BPIFA2: variants seen among roughly 807,000 people sequenced by gnomAD.
BPIFA2 encodes the protein BPI fold containing family A member 2.
BPIFA2 carries 20 observed loss-of-function variants against 25.7 expected under a neutral mutation model. The ratio of observed to expected loss-of-function variants is 0.78; its 90% CI spans 0.55 to 1.13. The LOEUF (loss-of-function observed/expected upper bound fraction) is 1.13. BPIFA2 is among the 50% of genes most tolerant of loss of function. The probability of loss-of-function intolerance (pLI) is 0.00; values close to 1 mark genes in which losing one functional copy is unlikely to be tolerated. For missense variants in BPIFA2, 300 were observed against 298.1 expected (o/e 1.01, Z -0.05); for synonymous variants, 126 against 124.3 (o/e 1.01, Z -0.09).
chr20:33,173,972 G>A (rs899355102), intron 3 of BPIFA2, 107 bp from the exon 4 acceptor site: 14 of 837,082 alleles, frequency 1.7e-5, no homozygotes, highest in Admixed American at 1.5e-4. Context: ...GACTAAAGAA[G>A]GCAAGGCTGA....
rs1299454700 is a variant in BPIFA2, at chr20:33,169,209, C to A, written c.64C>A (p.Leu22Ile). Reference protein sequence around the residue: ...GVLTGTSESLLDNLGNDLSNV... With the variant: ...GVLTGTSESLIDNLGNDLSNV... ...GCTCACTGGGACCTCAGAGTCTCTT[C>A]TTGACAATCTTGGCAATGACCTAAG... The change falls in exon 2 of 9, where the codon CTT (leucine) becomes ATT (isoleucine). Residue 22 changes from leucine (L) to isoleucine (I), a missense_variant. Physicochemically the swap from Leu to Ile is conservative, Grantham distance 5. Coordinates refer to ENST00000354932, the MANE Select transcript of BPIFA2 (RefSeq NM_080574.4). 2.5e-6 allele frequency: 4 copies of A among 1,613,962 alleles called. No homozygotes were observed. The African/African-American group carries it at 5.3e-5, about 22-fold the overall frequency.
At chr20:33,170,764 A>G (rs1983872579) in intron 2 of BPIFA2, among the ~76,000 whole-genome samples, 1 of 152,096 alleles carries the variant, frequency 6.6e-6, no homozygotes, top group Admixed American at 6.5e-5. Context: ...CTCCTCCTAT[A>G]AGAATTATTG....
chr20:33,162,823 A>G (rs1983619285), intron 1 of BPIFA2, among the ~76,000 whole-genome samples: 2 of 152,098 alleles, frequency 1.3e-5, no homozygotes, highest in Admixed American at 1.3e-4. Context: ...CTTCTACATG[A>G]TCTGTCTCCA....
At chr20:33,174,265 C>A in intron 4 of BPIFA2, 79 bp downstream of exon 4, 1 of 1,250,376 alleles carries the variant, frequency 8.0e-7, no homozygotes, top group Non-Finnish European at 1.2e-6. Context: ...GAATCGGGCA[C>A]CTCCTCCCGC....
upstream of BPIFA2, among the ~76,000 whole-genome samples, chr20:33,164,822 C>T (rs1354029378): frequency 2.6e-5 from 4 of 152,166 alleles, no homozygotes; most frequent in Admixed American, 6.5e-5. Flanking sequence ...AGGGGAGGAC[C>T]CTGACCCGGT....
At chr20:33,173,199 T>C in intron 3 of BPIFA2, 123 bp downstream of exon 3, 1 of 1,257,532 alleles carries the variant, frequency 8.0e-7, no homozygotes, top group Non-Finnish European at 1.1e-6. Context: ...AGAGCCAAGG[T>C]GGTCTGAGCA....
intron 2 of BPIFA2, among the ~76,000 whole-genome samples, chr20:33,172,038 C>A (rs1221155820): frequency 1.3e-5 from 2 of 152,130 alleles, no homozygotes; most frequent in African/African-American, 4.8e-5. Flanking sequence ...TACATATACA[C>A]CATGGAATAC....
chr20:33,173,403 C>A (rs971677793), intron 3 of BPIFA2, among the ~76,000 whole-genome samples: 1 of 152,242 alleles, frequency 6.6e-6, no homozygotes, highest in African/African-American at 2.4e-5. Flanking sequence ...CCATATATAA[C>A]TGGGGGTAAA....
upstream of BPIFA2, among the ~76,000 whole-genome samples, chr20:33,167,728 A>T (rs953725522): frequency 1.3e-5 from 2 of 152,070 alleles, no homozygotes; most frequent in Admixed American, 1.3e-4. Flanking sequence ...TTCTAGACCC[A>T]TCTCGGTCCC....
chr20:33,164,857 G>C (rs182428657), upstream of BPIFA2, among the ~76,000 whole-genome samples: 434 of 152,338 alleles, frequency 2.8e-3, 1 homozygote, highest in Non-Finnish European at 4.3e-3. Flanking sequence ...ATTTTCTCTG[G>C]GAGTGTTGGA....
At chr20:33,166,530 G>A (rs535170939), upstream of BPIFA2, among the ~76,000 whole-genome samples, 7 of 152,288 alleles carry the variant, frequency 4.6e-5, no homozygotes, top group East Asian at 1.4e-3. Flanking sequence ...CCCTTGAGGT[G>A]AGCACTGTTC....
chr20:33,178,372 A>G (rs1055954720), intron 6 of BPIFA2, 144 bp downstream of exon 6: 4 of 606,300 alleles, frequency 6.6e-6, no homozygotes, highest in Admixed American at 3.4e-5. Flanking sequence ...TTCCTCCTCT[A>G]CTAATCAGCC....
intron 7 of BPIFA2, among the ~76,000 whole-genome samples, chr20:33,180,131 T>C (rs1289557065): frequency 6.6e-6 from 1 of 151,698 alleles, no homozygotes; most frequent in African/African-American, 2.4e-5. Context: ...GGCGGGAGGA[T>C]TGCTTGAGCC....
intron 5 of BPIFA2, among the ~76,000 whole-genome samples, chr20:33,177,301 G>C (rs1385132504): frequency 6.6e-6 from 1 of 151,730 alleles, no homozygotes; most frequent in Non-Finnish European, 1.5e-5. Context: ...GTTGCAGTGA[G>C]CCGAGATCGT....
chr20:33,178,279 G>A, intron 6 of BPIFA2, 51 bp downstream of exon 6: 1 of 1,414,144 alleles, frequency 7.1e-7, no homozygotes, highest in East Asian at 2.3e-5. Flanking sequence ...GGGGGCAGGT[G>A]GGGGAATTTG....
Position 33,175,444 on chromosome 20 carries a change from T to C in BPIFA2, c.448T>C (p.Leu150=), listed in dbSNP as rs779324484. Residue 150 remains leucine (L), a synonymous_variant, in exon 5 of 9, where the codon TTG becomes CTG. Transcript: ENST00000354932. The part of the protein sequence containing the change: ...IGQIINLKAS[L]DLLTAVTIET... Reference sequence around the variant, plus strand: ...CCAGATTATCAACCTGAAAGCCTCCTTGGACCTCCTGACCGCAGTCACAAT... The same window carrying C: ...CCAGATTATCAACCTGAAAGCCTCCCTGGACCTCCTGACCGCAGTCACAAT... 12 of 1,613,938 alleles carry C rather than the reference T, an allele frequency of 7.4e-6. No homozygotes were observed. Among genetic ancestry groups the C allele is most frequent in the Non-Finnish European group, 3.4e-6 (4 of 1,179,932 alleles).
chr20:33,175,501 G>A lies in BPIFA2; in HGVS notation c.505G>A (p.Ala169Thr), dbSNP rs762535404. Residue 169 changes from alanine to threonine, a missense_variant, in exon 5 of 9, where the codon GCC becomes ACC. Ala to Thr is a moderately conservative substitution (Grantham distance 58, BLOSUM62 0). Transcript: ENST00000354932. Reference sequence around the variant, plus strand: ...TGATCCCCAGACACACCAGCCTGTTGCCGTCCTGGGAGAATGCGCCAGTGA... The same window carrying A: ...TGATCCCCAGACACACCAGCCTGTTACCGTCCTGGGAGAATGCGCCAGTGA... The part of the protein sequence containing the change: ...ETDPQTHQPV[A>T]VLGECASDPT... The A allele has an allele frequency of 9.9e-6, 16 of 1,614,026 alleles. No individual in the cohort carries two copies. The East Asian group carries it at 3.3e-4, about 34-fold the overall frequency.
chr20:33,176,544 G>A (rs569775644), intron 5 of BPIFA2, among the ~76,000 whole-genome samples: 30 of 152,338 alleles, frequency 2.0e-4, no homozygotes, highest in African/African-American at 6.3e-4. Flanking sequence ...TGTGAGTTGC[G>A]AAGGCCGGGG....
chr20:33,174,226 GCAACCTGGCCGATGGATGCC>G (rs1568608596), intron 4 of BPIFA2, 40 bp downstream of exon 4: 1 of 1,592,476 alleles, frequency 6.3e-7, no homozygotes, highest in South Asian at 1.1e-5. Flanking sequence ...GAAAGGCAGT[GCAACCTGGCCGATGGATGCC>G]CAACCTGGGA....
Sources: allele counts gnomAD v4.1 joint callset (sites outside exome capture counted in the v4.1 genomes callset), GRCh38; gene constraint gnomAD v4.1.1; transcripts MANE v1.5; gene names NCBI Gene and HGNC (gene_info 2026-07-23, HGNC 2026-07-21).